Variants in GPC6 observed in about 807,000 individuals in gnomAD.
The protein encoded by GPC6 is glypican-6.
Under a neutral mutation model 55.2 loss-of-function variants are expected in GPC6, and 14 were observed. The ratio of observed to expected loss-of-function variants is 0.25; its 90% CI spans 0.17 to 0.40. The LOEUF is 0.40. Among genes scored for constraint, GPC6 ranks in the 10% least tolerant of loss-of-function variants. GPC6 has a pLI of 1.00. For synonymous variants in GPC6, 278 were observed against 259.6 expected (o/e 1.07, Z -0.68); for missense variants, 641 against 708.5 (o/e 0.90, Z 1.08).
intron 1 of GPC6, among the ~76,000 whole-genome samples, chr13:93,520,241 T>C (rs924425029): frequency 7.2e-5 from 11 of 151,976 alleles, no homozygotes; most frequent in African/African-American, 2.7e-4. Context: ...TGCGAAATTA[T>C]AGCATTGTCC....
At chr13:94,265,252 A>T (rs147646922) in intron 4 of GPC6, among the ~76,000 whole-genome samples, 26 of 152,344 alleles carry the variant, frequency 1.7e-4, no homozygotes, top group Middle Eastern at 3.4e-3. Flanking sequence ...TTTATTAAGT[A>T]TTAAACTCAC....
chr13:93,378,996 GA>G (rs71202582), intron 1 of GPC6, among the ~76,000 whole-genome samples: 486 of 136,962 alleles, frequency 3.5e-3, no homozygotes, highest in African/African-American at 5.8e-3. Flanking sequence ...CTCCATCTCA[GA>G]AAAAAAAAAA....
chr13:94,156,325 A>G (rs1445750611), intron 4 of GPC6, among the ~76,000 whole-genome samples: 1 of 152,192 alleles, frequency 6.6e-6, no homozygotes, highest in East Asian at 1.9e-4. Context: ...AATGTCAGAG[A>G]ACAAGTTATA....
chr13:93,891,483 A>T (rs940395654), intron 3 of GPC6, among the ~76,000 whole-genome samples: 1 of 152,134 alleles, frequency 6.6e-6, no homozygotes, highest in African/African-American at 2.4e-5. Flanking sequence ...GATTTGCTCA[A>T]TCAAGTCCCC....
At position 93,881,383 on chromosome 13, in the gene GPC6, A is replaced by G. The variant is rs577511457; in HGVS notation, c.711+50838A>G. On this transcript the variant is annotated intron_variant, in intron 3 of 8. Coordinates refer to ENST00000377047, the MANE Select transcript of GPC6 (RefSeq NM_005708.5). ...AGTAGCCTTCTTTCCCTGCTTCTTA[A>G]CATATGCTATCTAGGCACATTGGTA... 1.2e-4 allele frequency among the ~76,000 whole-genome samples: 18 copies of G among 152,254 alleles called. No individual in the cohort carries two copies. The South Asian group carries it at 3.7e-3, about 32-fold the overall frequency.
chr13:93,418,876 T>C (rs1427810728), intron 1 of GPC6, among the ~76,000 whole-genome samples: 2 of 151,166 alleles, frequency 1.3e-5, no homozygotes, highest in Non-Finnish European at 3.0e-5. Flanking sequence ...CACTATACCA[T>C]AGTATTATTT....
At chr13:93,372,554 A>T (rs2139193164) in intron 1 of GPC6, among the ~76,000 whole-genome samples, 1 of 152,268 alleles carries the variant, frequency 6.6e-6, no homozygotes, top group South Asian at 2.1e-4. Flanking sequence ...ACTATTTTAG[A>T]TTCTTTCCAA....
chr13:93,836,772 A>G (rs993491872), intron 3 of GPC6, among the ~76,000 whole-genome samples: 1 of 152,176 alleles, frequency 6.6e-6, no homozygotes, highest in Non-Finnish European at 1.5e-5. Context: ...TATTGGGACT[A>G]GGAACCATAA....
chr13:93,460,482 C>T (rs1878635055), intron 1 of GPC6, among the ~76,000 whole-genome samples: 1 of 152,122 alleles, frequency 6.6e-6, no homozygotes, highest in Non-Finnish European at 1.5e-5. Context: ...ACATTTACTG[C>T]ATTTAATACT....
intron 4 of GPC6, among the ~76,000 whole-genome samples, chr13:94,213,616 A>G (rs1439552862): frequency 3.3e-5 from 5 of 152,216 alleles, no homozygotes; most frequent in Non-Finnish European, 5.9e-5. Flanking sequence ...CTGGGATGGG[A>G]CTTGCCTCGG....
At chr13:93,382,576 A>C (rs1875225546) in intron 1 of GPC6, among the ~76,000 whole-genome samples, 1 of 152,170 alleles carries the variant, frequency 6.6e-6, no homozygotes, top group South Asian at 2.1e-4. Context: ...AATAGTGCTA[A>C]GGAAAAGGAA....
intron 1 of GPC6, among the ~76,000 whole-genome samples, chr13:93,415,559 G>A (rs529152511): frequency 1.3e-5 from 2 of 151,928 alleles, no homozygotes; most frequent in Non-Finnish European, 2.9e-5. Flanking sequence ...TTAGTCACTG[G>A]GTTAAATAGT....
intron 4 of GPC6, among the ~76,000 whole-genome samples, chr13:94,156,573 C>A (rs1376463050): frequency 6.6e-6 from 1 of 152,134 alleles, no homozygotes; most frequent in Non-Finnish European, 1.5e-5. Context: ...ACCTCATTGA[C>A]AAAGAATTCA....
intron 6 of GPC6, among the ~76,000 whole-genome samples, chr13:94,380,286 A>ATGT (rs1491160169): frequency 7.2e-5 from 11 of 152,212 alleles, no homozygotes; most frequent in African/African-American, 2.7e-4. Flanking sequence ...AATATAAAAC[A>ATGT]TGTATTTCTT....
chr13:93,637,392 G>A (rs570774171), intron 2 of GPC6, among the ~76,000 whole-genome samples: 2 of 152,232 alleles, frequency 1.3e-5, no homozygotes, highest in South Asian at 4.1e-4. Flanking sequence ...GATTAGTAAG[G>A]CAGAGATGAA....
At chr13:94,112,597 T>C (rs1886289151) in intron 4 of GPC6, among the ~76,000 whole-genome samples, 1 of 152,186 alleles carries the variant, frequency 6.6e-6, no homozygotes. Context: ...GCATATTCTT[T>C]TCTTTTAGAA....
chr13:94,184,139 A>G (rs750306922), intron 4 of GPC6, among the ~76,000 whole-genome samples: 4 of 152,178 alleles, frequency 2.6e-5, no homozygotes, highest in Non-Finnish European at 5.9e-5. Flanking sequence ...AGATGGATTA[A>G]AGATTTAAGT....
chr13:93,405,947 C>A (rs576939591), intron 1 of GPC6, among the ~76,000 whole-genome samples: 156 of 152,210 alleles, frequency 1.0e-3, no homozygotes, highest in Non-Finnish European at 1.8e-3. Context: ...ACTCCCATGT[C>A]TGGTAGTTGG....
intron 1 of GPC6, among the ~76,000 whole-genome samples, chr13:93,492,195 C>A (rs942432813): frequency 5.5e-5 from 8 of 146,284 alleles, no homozygotes; most frequent in Admixed American, 2.1e-4. Context: ...CTTTTATTTC[C>A]TTGAGCAGTG....
Sources: gnomAD v4.1 joint callset for allele counts (sites outside exome capture counted in the v4.1 genomes callset) on GRCh38, gnomAD v4.1.1 for gene constraint, MANE v1.5 for transcripts, NCBI Gene and HGNC (gene_info 2026-07-23, HGNC 2026-07-21) for gene names.